FAM98A: variants seen among roughly 807,000 people sequenced by gnomAD.
The protein encoded by FAM98A is tRNA splicing ligase complex subunit 3A, also known as protein FAM98A.
Under a neutral mutation model 62.9 loss-of-function variants are expected in FAM98A, and 25 were observed. That is an observed-to-expected ratio of 0.40 (90% confidence interval 0.29 to 0.56). The LOEUF (loss-of-function observed/expected upper bound fraction) is 0.56. Among genes scored for constraint, FAM98A ranks in the 20% least tolerant of loss-of-function variants. The probability of loss-of-function intolerance (pLI) is 0.51; values close to 1 mark genes in which losing one functional copy is unlikely to be tolerated. For synonymous variants in FAM98A, 252 were observed against 228.6 expected (o/e 1.10, Z -0.92); for missense variants, 653 against 640.7 (o/e 1.02, Z -0.21).
At position 33,586,633 on chromosome 2, in the gene FAM98A, C is replaced by A; in HGVS notation, c.649G>T (p.Val217Phe). 6.2e-7 allele frequency: 1 copy of A among 1,613,852 alleles called. No homozygotes were observed. The highest frequency in any genetic ancestry group is 8.5e-7 in the Non-Finnish European group (1 of 1,179,810). The change falls in exon 6 of 8, where the codon GTC becomes TTC. Residue 217 changes from valine to phenylalanine, a missense_variant. Val to Phe is a conservative substitution (Grantham distance 50, BLOSUM62 -1). Coordinates refer to ENST00000238823, the MANE Select transcript of FAM98A (RefSeq NM_015475.5). ...INQAIANEYE[V>F]RRKLLIKRLD... ...CGTTTTATTAGCAGCTTTCTCCGGA[C>A]TTCATATTCATTGGCTATGGCTTGG...
intron 1 of FAM98A, among the ~76,000 whole-genome samples, chr2:33,598,752 G>A (rs1047201069): frequency 6.6e-6 from 1 of 152,224 alleles, no homozygotes; most frequent in Non-Finnish European, 1.5e-5. Context: ...AGGAGGAGGG[G>A]CTCAAGATGG....
Position 33,592,177 on chromosome 2 carries a change from A to G in FAM98A, c.240T>C (p.Ser80=), listed in dbSNP as rs1677685460. The G allele has an allele frequency of 1.2e-6, 2 of 1,612,908 alleles. No homozygotes were observed. The highest frequency in any genetic ancestry group is 2.7e-5 in the African/African-American group (2 of 75,016). The change falls in exon 3 of 8, where the codon AGT becomes AGC. Residue 80 remains serine (S), a synonymous_variant. Coordinates refer to ENST00000238823, the MANE Select transcript of FAM98A (RefSeq NM_015475.5). ...SEAEEFQLEV[S]GLLGEMNCPY... The stretch of plus-strand genomic sequence containing the variant: ...GGCAGTTCATCTCCCCTAGTAGCCC[A>G]CTCACCTCAAGCTGGAATTCTTCAG...
intron 6 of FAM98A, 95 bp from the exon 7 acceptor site, chr2:33,585,792 T>C (rs1442033211): frequency 5.6e-6 from 6 of 1,080,136 alleles, no homozygotes; most frequent in African/African-American, 4.7e-5. Flanking sequence ...AAATATCTGA[T>C]AATGATATTT....
At chr2:33,596,219 T>C (rs1031755782) in intron 1 of FAM98A, among the ~76,000 whole-genome samples, 8 of 152,218 alleles carry the variant, frequency 5.3e-5, no homozygotes, top group African/African-American at 1.7e-4. Context: ...AGGTTTTTAA[T>C]GACTTCCTTT....
chr2:33,586,825 A>G (rs910822468), intron 5 of FAM98A, 147 bp from the exon 6 acceptor site: 10 of 596,116 alleles, frequency 1.7e-5, no homozygotes, highest in Non-Finnish European at 2.7e-5. Context: ...TATACTAACA[A>G]TTAATGAAAT....
chr2:33,588,115 T>G (rs1677598346), intron 4 of FAM98A: 4 of 550,480 alleles, frequency 7.3e-6, no homozygotes, highest in South Asian at 7.1e-5. Flanking sequence ...AGTTTCCTTT[T>G]TGAAAAAGAA....
intron 3 of FAM98A, chr2:33,588,986 C>A (rs1677616195): frequency 6.6e-6 from 1 of 152,110 alleles, no homozygotes; most frequent in African/African-American, 2.4e-5. Context: ...AGGAGCCTGT[C>A]CAGAAGAGGT....
rs533231990 is a variant in FAM98A at position 33,598,017 on chromosome 2, T to TA, written c.53+1151dup. On this transcript the variant is annotated intron_variant, in intron 1 of 7. Coordinates refer to ENST00000238823, the MANE Select transcript of FAM98A (RefSeq NM_015475.5). ...GCCCTAATGAAAGAAAGAAGCCCCCTAAAGTCTGGAATATTTATAAAAATT... is the reference window on the plus strand; with the variant it reads ...GCCCTAATGAAAGAAAGAAGCCCCCTAAAAGTCTGGAATATTTATAAAAATT... Among the ~76,000 whole-genome samples, 306 of 152,310 alleles carry TA rather than the reference T, an allele frequency of 2.0e-3. 1 individual carries two copies. Among genetic ancestry groups the TA allele is most frequent in the African/African-American group, 7.1e-3 (294 of 41,564 alleles).
At chr2:33,585,971 G>A (rs1176074940) in intron 6 of FAM98A, among the ~76,000 whole-genome samples, 2 of 152,146 alleles carry the variant, frequency 1.3e-5, no homozygotes, top group African/African-American at 4.8e-5. Context: ...TGAGGCCAAC[G>A]TGATAAAAAG....
At chr2:33,586,809 A>G in intron 5 of FAM98A, 131 bp from the exon 6 acceptor site, 2 of 621,290 alleles carry the variant, frequency 3.2e-6, no homozygotes, top group Admixed American at 2.8e-5. Context: ...TTCTTATTCC[A>G]TATAATATAC....
chr2:33,593,032 C>A (rs1478744978), intron 2 of FAM98A, among the ~76,000 whole-genome samples: 1 of 152,200 alleles, frequency 6.6e-6, no homozygotes, highest in Non-Finnish European at 1.5e-5. Flanking sequence ...ATGAAACCTT[C>A]CTTGTACTTG....
intron 3 of FAM98A, chr2:33,591,782 G>C (rs2151145470): frequency 4.6e-6 from 1 of 218,272 alleles, no homozygotes; most frequent in Non-Finnish European, 9.0e-6. Flanking sequence ...TAAGTTTAAT[G>C]ATCACACACT....
At chr2:33,587,516 C>A (rs1297787330) in intron 4 of FAM98A, 196 bp from the exon 5 acceptor site, 1 of 562,600 alleles carries the variant, frequency 1.8e-6, no homozygotes, top group Non-Finnish European at 3.2e-6. Context: ...TACAGAAGTC[C>A]TTCATTGCAC....
At chr2:33,598,334 C>T (rs1031578136) in intron 1 of FAM98A, among the ~76,000 whole-genome samples, 1 of 152,212 alleles carries the variant, frequency 6.6e-6, no homozygotes, top group Non-Finnish European at 1.5e-5. Context: ...TCTAACCATA[C>T]AATTTGTTTC....
At chr2:33,587,080 T>C (rs1572415913) in intron 5 of FAM98A, among the ~76,000 whole-genome samples, 160 bp downstream of exon 5, 1 of 152,208 alleles carries the variant, frequency 6.6e-6, no homozygotes, top group African/African-American at 2.4e-5. Context: ...AAAAATATTC[T>C]GCAGAAATCC....
chr2:33,592,066 A>G lies in FAM98A; in HGVS notation c.337+14T>C. On this transcript the variant is annotated intron_variant, in intron 3 of 7. Coordinates refer to ENST00000238823, the MANE Select transcript of FAM98A (RefSeq NM_015475.5). ...CAGAAAGTAATAGCTATATTCTAGT[A>G]GCCATGAACTTACTGAGCAAGAGGA... is the stretch of plus-strand genomic sequence containing the variant. 1.2e-6 allele frequency: 2 copies of G among 1,607,552 alleles called. No individual in the cohort carries two copies. The highest frequency in any genetic ancestry group is 1.7e-6 in the Non-Finnish European group (2 of 1,176,032).
chr2:33,594,608 C>CACACATATATATATACACACATATATAT (rs1198305596), intron 2 of FAM98A, among the ~76,000 whole-genome samples: 1 of 117,890 alleles, frequency 8.5e-6, no homozygotes. Flanking sequence ...CACATACATA[C>CACACATATATATATACACACATATATAT]ACACATATAT....
Position 33,584,935 on chromosome 2 carries a change from A to G in FAM98A, c.1398T>C (p.Gly466=). Residue 466 remains glycine, a synonymous_variant, in exon 8 of 8, where the codon GGT becomes GGC. Transcript: ENST00000238823. The part of the protein sequence containing the change: ...DRGGGRGGRG[G]RGGRGGRAGQ... ...CTGCACGACCACCTCGGCCTCCACG[A>G]CCACCTCGCCCACCACGACCACCAC... 6.2e-7 allele frequency: 1 copy of G among 1,613,596 alleles called. No homozygotes were observed. The highest frequency in any genetic ancestry group is 1.7e-4 in the Middle Eastern group (1 of 6,060).
At chr2:33,588,609 T>C in intron 3 of FAM98A, 90 bp from the exon 4 acceptor site, 1 of 931,590 alleles carries the variant, frequency 1.1e-6, no homozygotes, top group Non-Finnish European at 1.5e-6. Flanking sequence ...CCTATTGATA[T>C]GTAACTGTTA....
Sources: gnomAD v4.1 joint callset for allele counts (sites outside exome capture counted in the v4.1 genomes callset) on GRCh38, gnomAD v4.1.1 for gene constraint, MANE v1.5 for transcripts, NCBI Gene and HGNC (gene_info 2026-07-23, HGNC 2026-07-21) for gene names.